The following MBNL1 variants were observed in gnomAD, a reference collection of about 807,000 sequenced individuals.
The protein encoded by MBNL1 is muscleblind-like protein 1.
A neutral mutation model predicts 42.2 loss-of-function variants in MBNL1; 8 were observed. The observed-to-expected ratio is 0.19, with a 90% CI of 0.11 to 0.34. The LOEUF (loss-of-function observed/expected upper bound fraction) is 0.34. MBNL1 is among the 10% of genes least tolerant of loss of function. The pLI is 1.00. For missense variants in MBNL1, 309 were observed against 495.3 expected (o/e 0.62, Z 3.57); for synonymous variants, 169 against 173.9 (o/e 0.97, Z 0.22).
At chr3:152,385,040 A>G (rs546798649) in intron 2 of MBNL1, among the ~76,000 whole-genome samples, 1 of 152,190 alleles carries the variant, frequency 6.6e-6, no homozygotes, top group Admixed American at 6.6e-5. Flanking sequence ...AACACAAGAG[A>G]GATTATACAT....
chr3:152,459,867 C>CTTTTTTTTTTT (rs5853586), intron 9 of MBNL1, among the ~76,000 whole-genome samples: 1 of 143,434 alleles, frequency 7.0e-6, no homozygotes. Context: ...TAGATTATCA[C>CTTTTTTTTTTT]TTTTTTTTTT....
chr3:152,320,583 G>T (rs2075836215), intron 2 of MBNL1, among the ~76,000 whole-genome samples: 1 of 151,796 alleles, frequency 6.6e-6, no homozygotes, highest in African/African-American at 2.4e-5. Flanking sequence ...AGGGTGCTTT[G>T]TTGGAAAACT....
intron 2 of MBNL1, among the ~76,000 whole-genome samples, chr3:152,312,506 A>G (rs904041178): frequency 6.6e-6 from 1 of 152,224 alleles, no homozygotes; most frequent in African/African-American, 2.4e-5. Flanking sequence ...CCCTTAATTC[A>G]GTGTCATGCT....
At chr3:152,452,598 C>T (rs928934699) in intron 6 of MBNL1, among the ~76,000 whole-genome samples, 1 of 152,184 alleles carries the variant, frequency 6.6e-6, no homozygotes, top group Admixed American at 6.5e-5. Flanking sequence ...TCTATGCCCT[C>T]CAGGCTCCCA....
chr3:152,388,190 T>A (rs1025567), intron 2 of MBNL1, among the ~76,000 whole-genome samples: 42,091 of 151,954 alleles, frequency 0.28, 6,011 homozygotes, highest in African/African-American at 0.35. Flanking sequence ...TTTCATCAGG[T>A]GCTCTGAGTT....
At chr3:152,435,633 G>C (rs1241403853) in intron 4 of MBNL1, among the ~76,000 whole-genome samples, 1 of 152,134 alleles carries the variant, frequency 6.6e-6, no homozygotes, top group African/African-American at 2.4e-5. Flanking sequence ...GCTTTGAGCA[G>C]TATGGCCATT....
Position 152,276,693 on chromosome 3 carries a change from G to A in MBNL1, c.-790+7601G>A, listed in dbSNP as rs372056618. Among the ~76,000 whole-genome samples, 93 of 152,274 alleles carry A rather than the reference G, an allele frequency of 6.1e-4. No individual in the cohort carries two copies. The South Asian group carries it at 0.019, about 31-fold the overall frequency. On this transcript the variant is annotated intron_variant, in intron 1 of 9. Coordinates refer to ENST00000324210, the MANE Select transcript of MBNL1 (RefSeq NM_021038.5). The stretch of plus-strand genomic sequence containing the variant: ...AGAAATGAGGAATCAGGTGTTCAAG[G>A]GAGATTGGTGCTACACTTTTGAGGT...
At chr3:152,262,700 G>A (rs1235668679) in intron 2 of MBNL1, 2 of 152,116 alleles carry the variant, frequency 1.3e-5, no homozygotes, top group African/African-American at 2.4e-5. Flanking sequence ...GTTTCACTAC[G>A]ACATTTATAT....
At chr3:152,397,744 A>G (rs571618340) in intron 2 of MBNL1, among the ~76,000 whole-genome samples, 2 of 152,260 alleles carry the variant, frequency 1.3e-5, no homozygotes, top group East Asian at 3.9e-4. Context: ...ATATTTTCCT[A>G]CTGTGTGTCA....
chr3:152,390,789 G>A (rs1456667547), intron 2 of MBNL1, among the ~76,000 whole-genome samples: 1 of 152,146 alleles, frequency 6.6e-6, no homozygotes, highest in Non-Finnish European at 1.5e-5. Flanking sequence ...CTTGATGCAG[G>A]GAGAGGGTCA....
At position 152,328,134 on chromosome 3, in the gene MBNL1, T is replaced by TC. The variant is rs528867038; in HGVS notation, c.174+27769dup. 8.5e-5 allele frequency among the ~76,000 whole-genome samples: 13 copies of TC among 152,252 alleles called. No homozygotes were observed. The East Asian group carries it at 2.5e-3, about 29-fold the overall frequency. On this transcript the variant is annotated intron_variant, in intron 2 of 9. Transcript: ENST00000324210. The stretch of plus-strand genomic sequence containing the variant: ...GTGAAATTTTAGGGATGTCTTTATC[T>TC]CCTATAGTGTGTGTTTTGCCAAGAT...
At chr3:152,335,738 A>G (rs965213309) in intron 2 of MBNL1, among the ~76,000 whole-genome samples, 2 of 152,194 alleles carry the variant, frequency 1.3e-5, no homozygotes, top group African/African-American at 4.8e-5. Flanking sequence ...ATTGGAAGAA[A>G]TAAGAATTTT....
At chr3:152,306,710 G>A (rs2063336768) in intron 2 of MBNL1, among the ~76,000 whole-genome samples, 7 of 152,160 alleles carry the variant, frequency 4.6e-5, no homozygotes, top group Admixed American at 4.6e-4. Flanking sequence ...AATGGAAATG[G>A]ATGTTCAGGA....
At chr3:152,310,559 C>G (rs1271186094) in intron 2 of MBNL1, among the ~76,000 whole-genome samples, 1 of 152,132 alleles carries the variant, frequency 6.6e-6, no homozygotes, top group African/African-American at 2.4e-5. Context: ...CATACGTGGG[C>G]AAGTATTTGT....
chr3:152,283,096 C>T (rs1352176454), intron 1 of MBNL1, among the ~76,000 whole-genome samples: 2 of 152,290 alleles, frequency 1.3e-5, no homozygotes, highest in East Asian at 1.9e-4. Flanking sequence ...GACAGCCAGG[C>T]AGGAAGATAG....
Position 152,434,281 on chromosome 3 carries a change from C to G in MBNL1, c.549+1361C>G, listed in dbSNP as rs542441077. Among the ~76,000 whole-genome samples, 34 of 152,360 alleles carry G rather than the reference C, an allele frequency of 2.2e-4. No homozygotes were observed. In the South Asian group the frequency reaches 6.6e-3, roughly 30 times the overall value. ...ATGAGGTCTCATCATTTAGCCCCCA[C>G]TTACAAGTGAGAACATGTGGTTATG... On this transcript the variant is annotated intron_variant, in intron 4 of 9. Transcript: ENST00000324210.
intron 6 of MBNL1, among the ~76,000 whole-genome samples, chr3:152,453,615 C>T (rs1727880495): frequency 6.6e-6 from 1 of 152,130 alleles, no homozygotes. Flanking sequence ...GTAAGTGGGT[C>T]CTACAGCATT....
chr3:152,430,064 T>C (rs1467719493), intron 3 of MBNL1, among the ~76,000 whole-genome samples: 3 of 152,204 alleles, frequency 2.0e-5, no homozygotes, highest in Non-Finnish European at 4.4e-5. Flanking sequence ...TTGATGACTC[T>C]ATAGAAACAA....
upstream of MBNL1, chr3:152,267,501 A>G (rs1402867325): frequency 2.0e-5 from 3 of 152,210 alleles, no homozygotes; most frequent in African/African-American, 7.2e-5. Context: ...TGAATGCTTA[A>G]TAAGAGGAAT....
Sources: gnomAD v4.1 joint callset for allele counts (sites outside exome capture counted in the v4.1 genomes callset) on GRCh38, gnomAD v4.1.1 for gene constraint, MANE v1.5 for transcripts, NCBI Gene and HGNC (gene_info 2026-07-23, HGNC 2026-07-21) for gene names.